The following RBMS1 variants were observed in gnomAD, a reference collection of about 807,000 sequenced individuals.
RBMS1 encodes RNA binding motif single stranded interacting protein 1.
Under a neutral mutation model 62.3 loss-of-function variants are expected in RBMS1, and 17 were observed. That is an observed-to-expected ratio of 0.27 (90% CI 0.19 to 0.41). The LOEUF is 0.41. Among genes scored for constraint, RBMS1 ranks in the 10% least tolerant of loss-of-function variants. RBMS1 has a pLI of 1.00. For missense variants in RBMS1, 334 were observed against 504.5 expected (o/e 0.66, Z 3.24); for synonymous variants, 172 against 170.0 (o/e 1.01, Z -0.09).
At chr2:160,367,512 T>C (rs577202609) in intron 1 of RBMS1, 121 bp from the exon 2 acceptor site, 881 of 1,461,396 alleles carry the variant, frequency 6.0e-4, no homozygotes, top group Non-Finnish European at 7.5e-4. Flanking sequence ...TAAATTTTAA[T>C]TTACACTTTA....
intron 2 of RBMS1, among the ~76,000 whole-genome samples, chr2:160,352,250 T>A (rs1315457591): frequency 6.6e-6 from 1 of 152,100 alleles, no homozygotes; most frequent in African/African-American, 2.4e-5. Flanking sequence ...CTATGTGCAA[T>A]GCACGGTCAA....
At chr2:160,274,826 T>A (rs1231898370) in intron 13 of RBMS1, 62 bp from the exon 14 acceptor site, 2 of 152,602 alleles carry the variant, frequency 1.3e-5, no homozygotes, top group Non-Finnish European at 2.9e-5. Context: ...CTACAGAGCT[T>A]TGTAATCTGT....
At position 160,407,621 on chromosome 2, in the gene RBMS1, C is replaced by T. The variant is rs553064072; in HGVS notation, c.76-40230G>A. ...GGGAGGGCGCAAGGAGGTGGCCGGC[C>T]GGGCCCGGGGCCGCGGCAGCTCTGG... On this transcript the variant is annotated intron_variant, in intron 1 of 13. Coordinates refer to ENST00000348849, the MANE Select transcript of RBMS1 (RefSeq NM_016836.4). 9 of 982,222 alleles carry T rather than the reference C, an allele frequency of 9.2e-6. No individual in the cohort carries two copies. In the South Asian group the frequency reaches 2.7e-4, roughly 30 times the overall value. 60.8% of individuals were successfully genotyped at this position (982,222 alleles called of 1,614,324 possible).
chr2:160,426,590 G>A (rs1439982961), intron 1 of RBMS1, among the ~76,000 whole-genome samples: 3 of 152,200 alleles, frequency 2.0e-5, no homozygotes, highest in Admixed American at 2.0e-4. Context: ...ATAAAAAGTG[G>A]ATATAGATGT....
At chr2:160,465,888 A>ACACACACTCT (rs569580064) in intron 1 of RBMS1, among the ~76,000 whole-genome samples, 4 of 145,280 alleles carry the variant, frequency 2.8e-5, no homozygotes, top group African/African-American at 1.0e-4. Context: ...ACACACACAC[A>ACACACACTCT]CTCTCACATT....
chr2:160,493,191 G>T, intron 1 of RBMS1, 98 bp downstream of exon 1: 5 of 1,193,078 alleles, frequency 4.2e-6, no homozygotes, highest in Non-Finnish European at 2.4e-6. Context: ...GCCCGGCGGT[G>T]GCGGGGGTTC....
intron 1 of RBMS1, among the ~76,000 whole-genome samples, chr2:160,469,928 T>C (rs1486051369): frequency 6.6e-6 from 1 of 152,208 alleles, no homozygotes. Context: ...AGATTCTTAA[T>C]AAAAAATGTC....
chr2:160,420,460 A>G (rs962080000), intron 1 of RBMS1, among the ~76,000 whole-genome samples: 33 of 152,306 alleles, frequency 2.2e-4, no homozygotes, highest in East Asian at 3.9e-4. Flanking sequence ...GGATGGTATT[A>G]ATGCCTAAAT....
At chr2:160,451,603 T>A (rs1683994470) in intron 1 of RBMS1, among the ~76,000 whole-genome samples, 1 of 151,888 alleles carries the variant, frequency 6.6e-6, no homozygotes, top group Non-Finnish European at 1.5e-5. Context: ...CAGCACTGTT[T>A]TTATTATTAT....
At chr2:160,304,001 C>T (rs574258982) in intron 4 of RBMS1, among the ~76,000 whole-genome samples, 175 of 152,036 alleles carry the variant, frequency 1.2e-3, no homozygotes, top group Middle Eastern at 6.8e-3. Context: ...TGATCACCAA[C>T]AGTAAAAACA....
At chr2:160,463,104 G>A (rs905720820) in intron 1 of RBMS1, among the ~76,000 whole-genome samples, 12 of 151,196 alleles carry the variant, frequency 7.9e-5, no homozygotes, top group Non-Finnish European at 1.5e-5. Flanking sequence ...AAAAAAAAAT[G>A]TTATCCATAA....
chr2:160,473,595 C>T (rs1685011409), intron 1 of RBMS1, among the ~76,000 whole-genome samples: 1 of 152,166 alleles, frequency 6.6e-6, no homozygotes, highest in Non-Finnish European at 1.5e-5. Context: ...GTTCAAAGGA[C>T]ATTGTTTATA....
chr2:160,479,662 CCT>C (rs1685284907), intron 1 of RBMS1, among the ~76,000 whole-genome samples: 2 of 152,154 alleles, frequency 1.3e-5, no homozygotes, highest in Admixed American at 6.5e-5. Flanking sequence ...TGCCACTTCC[CCT>C]CTCTCTGCCT....
Position 160,284,978 on chromosome 2 carries a change from T to C in RBMS1, c.806+17A>G, listed in dbSNP as rs373437317. The C allele has an allele frequency of 1.8e-5, 29 of 1,609,132 alleles. No individual in the cohort carries two copies. The highest frequency in any genetic ancestry group is 2.1e-5 in the Non-Finnish European group (25 of 1,175,514). ...CATTTTCCCTCAAGCCATTATGGAT[T>C]TATTTTAACGACATACCCGTTCTGT... On this transcript the variant is annotated intron_variant, in intron 8 of 13. Coordinates refer to ENST00000348849, the MANE Select transcript of RBMS1 (RefSeq NM_016836.4).
intron 1 of RBMS1, among the ~76,000 whole-genome samples, chr2:160,431,802 G>C (rs967800061): frequency 2.0e-5 from 3 of 152,024 alleles, no homozygotes; most frequent in African/African-American, 7.3e-5. Flanking sequence ...ATTCTTCAAG[G>C]CTCGGCTTAA....
rs181397425 is a variant in RBMS1, at chr2:160,272,365, A to C, written c.*2407T>G. 1 of 152,290 alleles carries C rather than the reference A, an allele frequency of 6.6e-6. No individual in the cohort carries two copies. Among genetic ancestry groups the C allele is most frequent in the East Asian group, 1.9e-4 (1 of 5,190 alleles). The allele number at this position is 152,290 out of a possible 1,614,324, so 9.4% of individuals were successfully genotyped here. On this transcript the variant is annotated 3_prime_UTR_variant, in exon 14 of 14. Coordinates refer to ENST00000348849, the MANE Select transcript of RBMS1 (RefSeq NM_016836.4). ...CAAAAATAAAAAATTAACTCTCTTG[A>C]TCATATAGATATCTCTATGAAAATC...
At chr2:160,396,330 A>C (rs910869814) in intron 1 of RBMS1, among the ~76,000 whole-genome samples, 1 of 152,174 alleles carries the variant, frequency 6.6e-6, no homozygotes, top group African/African-American at 2.4e-5. Context: ...CAGTAGTTAG[A>C]GGGAGGTGTA....
At chr2:160,443,140 A>G (rs1196291777) in intron 1 of RBMS1, among the ~76,000 whole-genome samples, 1 of 150,716 alleles carries the variant, frequency 6.6e-6, no homozygotes, top group African/African-American at 2.5e-5. Context: ...CAGGAGGCGG[A>G]GGTTGCAGTG....
chr2:160,358,515 G>T (rs1305118775), intron 2 of RBMS1, among the ~76,000 whole-genome samples: 5 of 152,096 alleles, frequency 3.3e-5, no homozygotes, highest in Non-Finnish European at 5.9e-5. Flanking sequence ...AATATTTTAT[G>T]TATGGAGAAT....
Sources: gnomAD v4.1 joint callset for allele counts (sites outside exome capture counted in the v4.1 genomes callset) on GRCh38, gnomAD v4.1.1 for gene constraint, MANE v1.5 for transcripts, NCBI Gene and HGNC (gene_info 2026-07-23, HGNC 2026-07-21) for gene names.